The following MYRF variants were observed in gnomAD, a reference collection of about 807,000 sequenced individuals.
MYRF encodes the protein myelin regulatory factor, also known as myelin gene regulatory factor.
A neutral mutation model predicts 126.3 loss-of-function variants in MYRF; 16 were observed. The ratio of observed to expected loss-of-function variants is 0.13; its 90% CI spans 0.09 to 0.19. The LOEUF is 0.19. Ranked by LOEUF, MYRF falls within the 10% of genes least tolerant of loss-of-function variation. MYRF has a pLI of 1.00. For missense variants in MYRF, 1,104 were observed against 1,547.0 expected (o/e 0.71, Z 4.80); for synonymous variants, 608 against 635.3 (o/e 0.96, Z 0.65).
chr11:61,764,118 G>A (rs1471827947), intron 1 of MYRF, among the ~76,000 whole-genome samples: 1 of 152,220 alleles, frequency 6.6e-6, no homozygotes, highest in Non-Finnish European at 1.5e-5. Flanking sequence ...TTCCTAGCTG[G>A]GCGAGCTGGG....
In MYRF at chr11:61,781,167, G is replaced by A. The variant is rs1470392180; in HGVS notation, c.2602G>A (p.Gly868Ser). Residue 868 changes from glycine to serine, a missense_variant, in exon 21 of 27, where the codon GGT (glycine) becomes AGT (serine). Around this residue, in one of 10 missense-constraint regions of MYRF, gnomAD observed 323 missense variants for 383.1 expected, o/e 0.84. Transcript: ENST00000278836. ...CACCAGCCTCACCAGCTCGGCCCCA[G>A]GTTCTGCTGTCCGCACCTTGGACAT... The part of the protein sequence containing the change: ...VTTSLTSSAP[G>S]SAVRTLDMCS... 1.2e-6 allele frequency: 2 copies of A among 1,613,862 alleles called. No individual in the cohort carries two copies. Among genetic ancestry groups the A allele is most frequent in the South Asian group, 2.2e-5 (2 of 91,084 alleles).
chr11:61,780,742 G>T lies in MYRF; in HGVS notation c.2436G>T (p.Leu812=). The change falls in exon 19 of 27, where the codon CTG becomes CTT. Residue 812 remains leucine (L), a synonymous_variant. Coordinates refer to ENST00000278836, the MANE Select transcript of MYRF (RefSeq NM_001127392.3). ...TTGCCGTGTCCACTTCCTGTCTCCT[G>T]GCCCTGCTCCGGCCCCAGCCCCCTG... The part of the protein sequence containing the change: ...GSFAVSTSCL[L]ALLRPQPPGG... The T allele has an allele frequency of 6.5e-7, 1 of 1,549,178 alleles. No individual in the cohort carries two copies.
chr11:61,774,237 A>C (rs2066310660), intron 8 of MYRF, 75 bp downstream of exon 8: 2 of 1,377,522 alleles, frequency 1.5e-6, no homozygotes, highest in South Asian at 2.8e-5. Context: ...AGAAAAAGCA[A>C]GCGTTGGCTG....
chr11:61,767,561 C>T (rs1375040949), intron 3 of MYRF: 1 of 395,050 alleles, frequency 2.5e-6, no homozygotes, highest in Non-Finnish European at 5.1e-6. Context: ...TGTGGTGGCA[C>T]ACACCTGTAA....
intron 1 of MYRF, among the ~76,000 whole-genome samples, chr11:61,761,231 C>T (rs2065886982): frequency 6.8e-6 from 1 of 147,828 alleles, no homozygotes; most frequent in Admixed American, 7.0e-5. Context: ...GGGACAATGG[C>T]CGAGACTCAG....
rs1032985387 is a variant in MYRF, at chr11:61,776,675, G to A, written c.1500-112G>A. ...AATTTCTGCCCCCTGGTGGAGGCTC[G>A]GGTTCCTCCTCTGTAGGAGGGGGTG... On this transcript the variant is annotated intron_variant, in intron 10 of 26. Coordinates refer to ENST00000278836, the MANE Select transcript of MYRF (RefSeq NM_001127392.3). This position sits in a 1 kb window ranked among gnomAD's most constrained non-coding sequence, Gnocchi z 4.3. The A allele has an allele frequency of 9.9e-6, 9 of 905,086 alleles. No individual in the cohort carries two copies. Among genetic ancestry groups the A allele is most frequent in the Middle Eastern group, 3.3e-4 (1 of 2,990 alleles). 56.1% of individuals were successfully genotyped at this position (905,086 alleles called of 1,614,324 possible).
chr11:61,775,176 C>G (rs1467193625), intron 8 of MYRF, among the ~76,000 whole-genome samples: 5 of 152,208 alleles, frequency 3.3e-5, no homozygotes, highest in Non-Finnish European at 7.4e-5. Context: ...CCAACTCCTG[C>G]CCCACTTGAG....
At chr11:61,766,272 G>A (rs755850917) in intron 3 of MYRF, 51 bp downstream of exon 3, 1 of 1,530,894 alleles carries the variant, frequency 6.5e-7, no homozygotes, top group Non-Finnish European at 8.8e-7. Context: ...GGCAGGCAGG[G>A]AGCAGGGCTG....
At position 61,778,355 on chromosome 11, in the gene MYRF, T is replaced by A. The variant is rs1476849707; in HGVS notation, c.1904-25T>A. 93 of 1,372,346 alleles carry A rather than the reference T, an allele frequency of 6.8e-5. No homozygotes were observed. Among genetic ancestry groups the A allele is most frequent in the Non-Finnish European group, 8.9e-5 (85 of 959,998 alleles). The allele number at this position is 1,372,346 out of a possible 1,614,324, so 85.0% of individuals were successfully genotyped here. On this transcript the variant is annotated intron_variant, in intron 13 of 26. Coordinates refer to ENST00000278836, the MANE Select transcript of MYRF (RefSeq NM_001127392.3). The surrounding 1 kb of genome is among the most constrained non-coding windows in gnomAD (Gnocchi z 4.6). The stretch of plus-strand genomic sequence containing the variant: ...TAGCCCTTTACCACCCCCCCACCCA[T>A]CTTTGGCTTGTCCCCTGCCCCCAGG...
chr11:61,780,656 C>G, intron 18 of MYRF, 56 bp from the exon 19 acceptor site: 45 of 1,491,764 alleles, frequency 3.0e-5, no homozygotes, highest in Non-Finnish European at 3.6e-5. Flanking sequence ...CTGACTGTGT[C>G]TTCTCTTCTC....
rs61747222 is a variant in MYRF, at chr11:61,781,324, G to A, written c.2759G>A (p.Arg920His). Residue 920 changes from arginine (R) to histidine (H), a missense_variant, in exon 21 of 27, where the codon CGC becomes CAC. By Grantham distance (29) the Arg-to-His change is conservative (BLOSUM62 0). Coordinates refer to ENST00000278836, the MANE Select transcript of MYRF (RefSeq NM_001127392.3). ...CCAAGTCCCAGCCCCAGCACCAACCGCTCAGGTAAGGCTTTCTGTGGGCTG... is the reference window on the plus strand; with the variant it reads ...CCAAGTCCCAGCCCCAGCACCAACCACTCAGGTAAGGCTTTCTGTGGGCTG... Reference protein sequence around the residue: ...LSPSPSPSTNRSGPSQMALLP... With the variant: ...LSPSPSPSTNHSGPSQMALLP... 37,175 of 1,613,782 alleles carry A rather than the reference G, an allele frequency of 0.023. 722 individuals carry two copies. Among genetic ancestry groups the A allele is most frequent in the Non-Finnish European group, 0.024 (28,478 of 1,179,924 alleles).
chr11:61,765,560 G>C, intron 1 of MYRF, 65 bp from the exon 2 acceptor site: 1 of 1,344,098 alleles, frequency 7.4e-7, no homozygotes, highest in Non-Finnish European at 1.0e-6. Context: ...GGAGGGCTGG[G>C]CCCTGAAGCC....
intron 1 of MYRF, among the ~76,000 whole-genome samples, chr11:61,764,787 C>T (rs1036880325): frequency 4.6e-5 from 7 of 152,230 alleles, no homozygotes; most frequent in African/African-American, 1.7e-4. Context: ...CTCTAGGGGC[C>T]CCTCCCCTTG....
Position 61,771,670 on chromosome 11 carries a change from C to T in MYRF, c.911C>T (p.Ser304Phe). 1.2e-6 allele frequency: 2 copies of T among 1,613,900 alleles called. No homozygotes were observed. The highest frequency in any genetic ancestry group is 1.7e-6 in the Non-Finnish European group (2 of 1,179,998). ...CCCTGGCCTCCCCAGGGTCCGCTCT[C>T]CCCGGGCCCTGGTTCCTTGCCTCTC... is the stretch of plus-strand genomic sequence containing the variant. ...SPPWPPQGPLSPGPGSLPLSI... is the reference protein window; with the variant it reads ...SPPWPPQGPLFPGPGSLPLSI... The change falls in exon 6 of 27, where the codon TCC becomes TTC. Residue 304 changes from serine (S) to phenylalanine (F), a missense_variant. By Grantham distance (155) the Ser-to-Phe change is radical. Transcript: ENST00000278836.
chr11:61,778,411 G>A lies in MYRF; in HGVS notation c.1935G>A (p.Leu645=). ...TCGCTCAGGAGGTGAAGGAGATCTT[G>A]CCTGAGGCTGTGAAAGACACCGGAG... is the stretch of plus-strand genomic sequence containing the variant. ...GVIAQEVKEI[L]PEAVKDTGDM... The change falls in exon 14 of 27, where the codon TTG becomes TTA. Residue 645 remains leucine, a synonymous_variant. Coordinates refer to ENST00000278836, the MANE Select transcript of MYRF (RefSeq NM_001127392.3). The surrounding 1 kb of genome is among the most constrained non-coding windows in gnomAD (Gnocchi z 4.6). 1.2e-6 allele frequency: 2 copies of A among 1,614,040 alleles called. No homozygotes were observed. Among genetic ancestry groups the A allele is most frequent in the Non-Finnish European group, 1.7e-6 (2 of 1,179,952 alleles).
intron 1 of MYRF, chr11:61,755,379 G>A (rs2065721531): frequency 1.3e-6 from 2 of 1,589,132 alleles, no homozygotes; most frequent in South Asian, 2.2e-5. Context: ...AGGCAGCCCA[G>A]ATCGGCGGGC....
Position 61,779,886 on chromosome 11 carries a change from C to A in MYRF, c.2292C>A (p.Phe764Leu), listed in dbSNP as rs1792092508. ...VPDQACISQR[F>L]LQGTIIALVV... is the part of the protein sequence containing the mutation. ...ACCAGGCCTGCATCAGCCAGCGCTT[C>A]CTGCAGGGAACCATCATTGCCCTGG... Residue 764 changes from phenylalanine to leucine, a missense_variant, in exon 17 of 27, where the codon TTC becomes TTA. Around this residue, in one of 10 missense-constraint regions of MYRF, gnomAD observed 323 missense variants for 383.1 expected, o/e 0.84. Transcript: ENST00000278836. 1 of 1,614,098 alleles carries A rather than the reference C, an allele frequency of 6.2e-7. No individual in the cohort carries two copies. The highest frequency in any genetic ancestry group is 1.3e-5 in the African/African-American group (1 of 74,952).
In MYRF at chr11:61,757,769, G is replaced by A; in HGVS notation, c.46+4979G>A. ...CGTTGTCTTCCTGGAGTCCTGGGGT[G>A]CAGTGGAAGCGTGGGTGACGGCCTC... On this transcript the variant is annotated intron_variant, in intron 1 of 26. Transcript: ENST00000278836. The surrounding 1 kb of genome is among the most constrained non-coding windows in gnomAD (Gnocchi z 4.7). 1 of 342,860 alleles carries A rather than the reference G, an allele frequency of 2.9e-6. No homozygotes were observed. Among genetic ancestry groups the A allele is most frequent in the South Asian group, 2.2e-5 (1 of 45,342 alleles). 21.2% of individuals were successfully genotyped at this position (342,860 alleles called of 1,614,324 possible). A position where few individuals can be genotyped will look rare whatever the true frequency, so the allele number is the denominator to read the frequency against.
intron 5 of MYRF, 76 bp downstream of exon 5, chr11:61,770,601 GC>G: frequency 7.1e-7 from 1 of 1,418,140 alleles, no homozygotes; most frequent in South Asian, 1.4e-5. Flanking sequence ...CGGCGGGCAG[GC>G]CAGAGAGGGA....
Sources: gnomAD v4.1 joint callset for allele counts (sites outside exome capture counted in the v4.1 genomes callset) on GRCh38, gnomAD v4.1.1 for gene constraint, gnomAD v4.1.1 regional missense constraint, Gnocchi (gnomAD v3.1) non-coding constraint, MANE v1.5 for transcripts, NCBI Gene and HGNC (gene_info 2026-07-23, HGNC 2026-07-21) for gene names.